LSAMP: variants seen among roughly 807,000 people sequenced by gnomAD.
LSAMP encodes limbic system associated membrane protein, also known as limbic system-associated membrane protein.
Under a neutral mutation model 38.6 loss-of-function variants are expected in LSAMP, and 7 were observed. The ratio of observed to expected loss-of-function variants is 0.18; its 90% CI spans 0.10 to 0.34. The LOEUF (loss-of-function observed/expected upper bound fraction) is 0.34, where lower values mean the gene tolerates loss of function less well. Among genes scored for constraint, LSAMP ranks in the 10% least tolerant of loss-of-function variants. The pLI is 1.00. For synonymous variants in LSAMP, 154 were observed against 166.8 expected, an observed-to-expected ratio of 0.92 and a Z score of 0.59; for missense variants, 313 against 420.0, an observed-to-expected ratio of 0.75 and a Z score of 2.23.
chr3:116,011,564 T>C (rs1435363191), intron 3 of LSAMP, among the ~76,000 whole-genome samples: 1 of 117,088 alleles, frequency 8.5e-6, no homozygotes, highest in South Asian at 2.3e-4. Flanking sequence ...ATAGGAAAAT[T>C]AAGCAAAAAA....
At chr3:116,185,221 T>C (rs16824521) in intron 1 of LSAMP, among the ~76,000 whole-genome samples, 18,130 of 151,948 alleles carry the variant, frequency 0.12, 1,841 homozygotes, top group African/African-American at 0.28. Context: ...CATATTCTTT[T>C]CATTTGAGTT....
rs1302506612 is a variant in LSAMP at position 116,233,171 on chromosome 3, T to C, written c.156-146615A>G. ...TTTCAATTAAGAAATGATGGCACTT[T>C]GGGAGGCCAAGACGGGTGGATCACA... is the stretch of plus-strand genomic sequence containing the variant. On this transcript the variant is annotated intron_variant, in intron 1 of 6. Coordinates refer to ENST00000490035, the MANE Select transcript of LSAMP (RefSeq NM_002338.5). Among the ~76,000 whole-genome samples the C allele has an allele frequency of 2.6e-5, 4 of 152,128 alleles. No individual in the cohort carries two copies. The South Asian group carries it at 6.2e-4, about 24-fold the overall frequency.
intron 3 of LSAMP, among the ~76,000 whole-genome samples, chr3:115,941,987 T>C (rs1176164919): frequency 1.3e-5 from 2 of 151,336 alleles, no homozygotes; most frequent in Non-Finnish European, 3.0e-5. Flanking sequence ...TCTTTGTCAA[T>C]TAGATATTTT....
At chr3:116,184,741 G>T (rs1710570998) in intron 1 of LSAMP, among the ~76,000 whole-genome samples, 2 of 151,836 alleles carry the variant, frequency 1.3e-5, no homozygotes, top group African/African-American at 2.4e-5. Flanking sequence ...ATGGGATCCT[G>T]CTATATTTAG....
chr3:116,111,558 T>C (rs995657160), intron 1 of LSAMP, among the ~76,000 whole-genome samples: 2 of 152,188 alleles, frequency 1.3e-5, no homozygotes, highest in African/African-American at 4.8e-5. Context: ...TCTGCAAAAG[T>C]AGATTTTCAT....
intron 3 of LSAMP, among the ~76,000 whole-genome samples, chr3:115,856,850 G>C (rs1296585961): frequency 6.6e-6 from 1 of 152,146 alleles, no homozygotes; most frequent in Non-Finnish European, 1.5e-5. Context: ...ATAGTAACCT[G>C]AATGGACTGA....
chr3:115,982,865 C>T (rs1939401861), intron 3 of LSAMP, among the ~76,000 whole-genome samples: 1 of 150,254 alleles, frequency 6.7e-6, no homozygotes, highest in Admixed American at 6.6e-5. Flanking sequence ...TTGCTTTTCT[C>T]AGCCTCCTCC....
chr3:115,879,850 T>C (rs73142305), intron 3 of LSAMP, among the ~76,000 whole-genome samples: 12,277 of 152,196 alleles, frequency 0.081, 603 homozygotes, highest in South Asian at 0.16. Context: ...TCAGGTTCTT[T>C]ATTAAAAATT....
At chr3:116,277,981 A>G (rs2047077442) in intron 1 of LSAMP, among the ~76,000 whole-genome samples, 1 of 152,240 alleles carries the variant, frequency 6.6e-6, no homozygotes, top group Admixed American at 6.5e-5. Flanking sequence ...ACTATTTAAC[A>G]TTATCTGTAC....
Position 116,113,096 on chromosome 3 carries a change from GA to G in LSAMP, c.156-26541del, listed in dbSNP as rs539315289. On this transcript the variant is annotated intron_variant, in intron 1 of 6. Transcript: ENST00000490035. ...AAGGATGCATACACAAACTCTGTGAGAAACAGTGAGAAGTGAAGAGAGAGAG... is the reference window on the plus strand; with the variant it reads ...AAGGATGCATACACAAACTCTGTGAGAACAGTGAGAAGTGAAGAGAGAGAG... Among the ~76,000 whole-genome samples, 292 of 152,070 alleles carry G rather than the reference GA, an allele frequency of 1.9e-3. 2 individuals carry two copies. Among genetic ancestry groups the G allele is most frequent in the African/African-American group, 6.8e-3 (280 of 41,448 alleles).
intron 1 of LSAMP, among the ~76,000 whole-genome samples, chr3:116,242,483 G>A (rs1438581671): frequency 6.6e-6 from 1 of 152,138 alleles, no homozygotes; most frequent in Non-Finnish European, 1.5e-5. Context: ...TCCCAAGTGG[G>A]CATGTTTGGT....
intron 3 of LSAMP, among the ~76,000 whole-genome samples, chr3:115,905,507 A>T (rs571820994): frequency 1.3e-5 from 2 of 152,126 alleles, no homozygotes; most frequent in Non-Finnish European, 2.9e-5. Flanking sequence ...AACAACACTG[A>T]TTTCAATTAA....
chr3:115,811,959 T>C (rs1255269640), intron 6 of LSAMP, among the ~76,000 whole-genome samples: 1 of 152,204 alleles, frequency 6.6e-6, no homozygotes, highest in Non-Finnish European at 1.5e-5. Flanking sequence ...TTTACCCAGG[T>C]ATCTGGCTCC....
intron 1 of LSAMP, among the ~76,000 whole-genome samples, chr3:116,260,468 A>G (rs2046810621): frequency 6.6e-6 from 1 of 152,130 alleles, no homozygotes; most frequent in East Asian, 1.9e-4. Context: ...TAAATGTAAA[A>G]TATATAAAAA....
intron 1 of LSAMP, among the ~76,000 whole-genome samples, chr3:116,424,607 G>C (rs2049170590): frequency 2.6e-5 from 4 of 152,274 alleles, no homozygotes; most frequent in Admixed American, 2.6e-4. Context: ...AATACTTCTA[G>C]GTCTTACATA....
chr3:116,005,383 T>C (rs906182960), intron 3 of LSAMP, among the ~76,000 whole-genome samples: 1 of 152,164 alleles, frequency 6.6e-6, no homozygotes, highest in Non-Finnish European at 1.5e-5. Context: ...CTGGCCATGG[T>C]AGCAGCCCTT....
rs116130938 is a variant in LSAMP, at chr3:116,220,837, T to C, written c.156-134281A>G. Among the ~76,000 whole-genome samples, 788 of 152,256 alleles carry C rather than the reference T, an allele frequency of 5.2e-3. 4 individuals carry two copies. Among genetic ancestry groups the C allele is most frequent in the South Asian group, 0.013 (62 of 4,824 alleles). On this transcript the variant is annotated intron_variant, in intron 1 of 6. Coordinates refer to ENST00000490035, the MANE Select transcript of LSAMP (RefSeq NM_002338.5). ...TTAAGTCAGATTCAGGAAGCATGGT[T>C]CCAGTCTTGGTTCTGAGACTAAGAA...
intron 3 of LSAMP, among the ~76,000 whole-genome samples, chr3:116,017,820 A>T (rs536330192): frequency 6.6e-6 from 1 of 152,200 alleles, no homozygotes; most frequent in Non-Finnish European, 1.5e-5. Flanking sequence ...TCTCTCAATT[A>T]TAACATTACA....
At chr3:116,369,767 T>C (rs2048405580) in intron 1 of LSAMP, 1 of 152,454 alleles carries the variant, frequency 6.6e-6, no homozygotes, top group Non-Finnish European at 1.5e-5. Flanking sequence ...TTTAATGAAG[T>C]AATTAAGTTA....
Sources: gnomAD v4.1 joint callset for allele counts (sites outside exome capture counted in the v4.1 genomes callset) on GRCh38, gnomAD v4.1.1 for gene constraint, MANE v1.5 for transcripts, NCBI Gene and HGNC (gene_info 2026-07-23, HGNC 2026-07-21) for gene names.